Variants in MCC observed in about 807,000 individuals in gnomAD.
The protein encoded by MCC is MCC regulator of Wnt signaling pathway.
Under a neutral mutation model 116.2 loss-of-function variants are expected in MCC, and 90 were observed. The observed-to-expected ratio is 0.77, with a 90% CI of 0.65 to 0.92. MCC has a LOEUF of 0.92. Ranked by LOEUF, MCC falls within the 40% of genes least tolerant of loss-of-function variation. The pLI is 0.00. For missense variants in MCC, 1,516 were observed against 1,312.2 expected (o/e 1.16, Z -2.40); for synonymous variants, 578 against 510.5 (o/e 1.13, Z -1.78).
chr5:113,336,575 A>C (rs559927827), intron 3 of MCC, among the ~76,000 whole-genome samples: 1 of 148,210 alleles, frequency 6.7e-6, no homozygotes, highest in African/African-American at 2.6e-5. Flanking sequence ...CTATACATCT[A>C]GCTTTCCCTC....
chr5:113,237,543 AT>A (rs1193650309), intron 3 of MCC, among the ~76,000 whole-genome samples: 1 of 152,204 alleles, frequency 6.6e-6, no homozygotes, highest in African/African-American at 2.4e-5. Context: ...ACCTAATCTT[AT>A]TTCTGCCAAG....
intron 3 of MCC, chr5:113,204,722 C>A (rs1025940707): frequency 6.6e-6 from 1 of 152,342 alleles, no homozygotes; most frequent in South Asian, 2.1e-4. Context: ...CAAAGCTGTT[C>A]TCTGTCCCAC....
chr5:113,468,075 T>C (rs536343325), intron 1 of MCC, among the ~76,000 whole-genome samples: 154 of 152,302 alleles, frequency 1.0e-3, no homozygotes, highest in African/African-American at 3.7e-3. Context: ...CTTGAGGAGA[T>C]TTTGGGCTGA....
intron 8 of MCC, among the ~76,000 whole-genome samples, chr5:113,096,531 A>T (rs754468662): frequency 1.3e-5 from 2 of 152,128 alleles, no homozygotes; most frequent in Non-Finnish European, 2.9e-5. Flanking sequence ...AAAGCATGTA[A>T]ATCAGCTGCA....
chr5:113,346,581 C>T (rs1768137694), intron 2 of MCC, among the ~76,000 whole-genome samples: 1 of 151,440 alleles, frequency 6.6e-6, no homozygotes, highest in Non-Finnish European at 1.5e-5. Context: ...GCCTGGGCAA[C>T]AAGAGTGAAA....
intron 1 of MCC, chr5:113,433,474 T>G: frequency 3.3e-6 from 2 of 614,844 alleles, no homozygotes; most frequent in Non-Finnish European, 5.8e-6. Context: ...AGACAGGCTC[T>G]GTGTCCAGCA....
intron 11 of MCC, among the ~76,000 whole-genome samples, chr5:113,073,749 G>A (rs1043327361): frequency 1.1e-4 from 17 of 151,426 alleles, no homozygotes; most frequent in African/African-American, 3.6e-4. Context: ...AACCTTCTCT[G>A]GGGTCCCACG....
At chr5:113,253,694 C>T (rs983225974) in intron 3 of MCC, among the ~76,000 whole-genome samples, 16 of 151,800 alleles carry the variant, frequency 1.1e-4, no homozygotes, top group Non-Finnish European at 7.4e-5. Flanking sequence ...AAGATAAATA[C>T]GGAAAAAATG....
At chr5:113,038,614 G>A (rs1335861816) in intron 17 of MCC, among the ~76,000 whole-genome samples, 1 of 152,104 alleles carries the variant, frequency 6.6e-6, no homozygotes, top group Non-Finnish European at 1.5e-5. Flanking sequence ...GGCATTGGGT[G>A]GGGCCAGGAC....
intron 1 of MCC, among the ~76,000 whole-genome samples, chr5:113,411,536 C>T (rs899216070): frequency 1.3e-5 from 2 of 151,450 alleles, no homozygotes; most frequent in African/African-American, 4.9e-5. Context: ...AAAAAGCATG[C>T]ATTCTCTCTA....
rs903204441 is a variant in MCC at position 113,033,019 on chromosome 5, C to T, written c.2757-3963G>A. On this transcript the variant is annotated intron_variant, in intron 17 of 18. Coordinates refer to ENST00000408903, the MANE Select transcript of MCC (RefSeq NM_001085377.2). ...GGGCAACCAGCAGCCCCCAAGGCTG[C>T]TCTATGGAGTAGCCATTCTTTTCCT... 7.2e-5 allele frequency among the ~76,000 whole-genome samples: 11 copies of T among 152,256 alleles called. 1 individual carries two copies. Among genetic ancestry groups the T allele is most frequent in the African/African-American group, 1.2e-4 (5 of 41,460 alleles).
chr5:113,443,528 C>T (rs1228657532), intron 1 of MCC, among the ~76,000 whole-genome samples: 1 of 152,054 alleles, frequency 6.6e-6, no homozygotes, highest in East Asian at 1.9e-4. Context: ...ATTTCCAACA[C>T]TATGTGGAAC....
At chr5:113,160,857 G>A (rs1561414788) in intron 3 of MCC, among the ~76,000 whole-genome samples, 1 of 152,154 alleles carries the variant, frequency 6.6e-6, no homozygotes, top group Non-Finnish European at 1.5e-5. Flanking sequence ...TACATTCTAT[G>A]TGGGAAAGTT....
At chr5:113,379,402 G>A (rs1240948026) in intron 2 of MCC, among the ~76,000 whole-genome samples, 1 of 152,204 alleles carries the variant, frequency 6.6e-6, no homozygotes, top group African/African-American at 2.4e-5. Context: ...TAAGCTCTAT[G>A]TAGGAACTTT....
Position 113,182,862 on chromosome 5 carries a change from C to T in MCC, c.628-31440G>A, listed in dbSNP as rs115848527. On this transcript the variant is annotated intron_variant, in intron 3 of 18. Coordinates refer to ENST00000408903, the MANE Select transcript of MCC (RefSeq NM_001085377.2). ...CGGGAAGGTATAAACACCCAATAGC[C>T]ACGCTGTCACAGGAGGCTTGTGACG... Among the ~76,000 whole-genome samples, 367 of 152,304 alleles carry T rather than the reference C, an allele frequency of 2.4e-3. 2 individuals are homozygous for T. The highest frequency in any genetic ancestry group is 8.5e-3 in the African/African-American group (352 of 41,554).
At chr5:113,338,451 G>A (rs750392921) in intron 3 of MCC, among the ~76,000 whole-genome samples, 4 of 152,166 alleles carry the variant, frequency 2.6e-5, no homozygotes, top group Non-Finnish European at 4.4e-5. Flanking sequence ...AATCAGTCCA[G>A]GAGGTTACTG....
chr5:113,406,331 T>C (rs17135607), intron 1 of MCC, among the ~76,000 whole-genome samples: 4,910 of 152,296 alleles, frequency 0.032, 109 homozygotes, highest in East Asian at 0.076. Flanking sequence ...TTGGATGAGA[T>C]CTCTGATTTT....
chr5:113,201,960 C>T (rs1240806645), intron 3 of MCC, among the ~76,000 whole-genome samples: 2 of 152,222 alleles, frequency 1.3e-5, no homozygotes, highest in East Asian at 1.9e-4. Context: ...CAGCAAGGAA[C>T]GACCCCACAA....
At chr5:113,134,944 C>CCTTTTTTTTTTTTTTTTTTTTT (rs1554056938) in intron 5 of MCC, among the ~76,000 whole-genome samples, 1 of 128,250 alleles carries the variant, frequency 7.8e-6, no homozygotes. Flanking sequence ...ACTTTTACTT[C>CCTTTTTTTTTTTTTTTTTTTTT]TTTTTTTTTT....
Sources: allele counts gnomAD v4.1 joint callset (sites outside exome capture counted in the v4.1 genomes callset), GRCh38; gene constraint gnomAD v4.1.1; transcripts MANE v1.5; gene names NCBI Gene and HGNC (gene_info 2026-07-23, HGNC 2026-07-21).